Variants in KRT7 observed in about 807,000 individuals in gnomAD.
The protein encoded by KRT7 is keratin 7, also known as keratin, type II cytoskeletal 7.
In KRT7, 50 loss-of-function variants were observed where a neutral mutation model predicts 42.8. That is an observed-to-expected ratio of 1.17 (90% confidence interval 0.93 to 1.48). The LOEUF is 1.48. Ranked by LOEUF, KRT7 falls within the 40% of genes most tolerant of loss-of-function variation. KRT7 has a pLI of 0.00. For missense variants in KRT7, 588 were observed against 637.6 expected, an observed-to-expected ratio of 0.92 and a Z score of 0.84; for synonymous variants, 268 against 266.3, an observed-to-expected ratio of 1.01 and a Z score of -0.06.
chr12:52,241,376 TTC>T (rs1480828391), intron 4 of KRT7, 94 bp from the exon 5 acceptor site: 15 of 1,129,472 alleles, frequency 1.3e-5, no homozygotes, highest in Admixed American at 9.4e-5. Context: ...CTCCCAGCTG[TTC>T]TCTCTTTTCT....
chr12:52,254,274 CAT>C, downstream of KRT7: 1 of 954,192 alleles, frequency 1.0e-6, no homozygotes, highest in South Asian at 1.3e-5. Context: ...CGCACCTCCT[CAT>C]ATAGCCGCCT....
Position 52,248,187 on chromosome 12 carries a change from G to A in KRT7, c.1216G>A (p.Asp406Asn). The A allele has an allele frequency of 6.2e-7, 1 of 1,614,124 alleles. No individual in the cohort carries two copies. Among genetic ancestry groups the A allele is most frequent in the Non-Finnish European group, 8.5e-7 (1 of 1,180,016 alleles). Residue 406 changes from aspartate to asparagine, a missense_variant, in exon 8 of 9, where the codon GAT (aspartate) becomes AAT (asparagine). By Grantham distance (23) the Asp-to-Asn change is conservative. Transcript: ENST00000331817. ...LEGEESRLAG[D>N]GVGAVNISVM... ...GTCCTCTGCCCCCAGGTTGGCTGGAGATGGAGTGGGAGCCGTGAATATCTG... is the reference window on the plus strand; with the variant it reads ...GTCCTCTGCCCCCAGGTTGGCTGGAAATGGAGTGGGAGCCGTGAATATCTG...
downstream of KRT7, chr12:52,254,403 A>G: frequency 1.6e-6 from 1 of 644,668 alleles, no homozygotes; most frequent in Non-Finnish European, 2.9e-6. Context: ...GCACTGGGAG[A>G]CAATTCAGAA....
Position 52,238,675 on chromosome 12 carries a change from C to T in KRT7, c.598-5C>T. The T allele has an allele frequency of 6.2e-7, 1 of 1,607,554 alleles. No individual in the cohort carries two copies. The highest frequency in any genetic ancestry group is 8.5e-7 in the Non-Finnish European group (1 of 1,174,014). ...CCCTCTGCCCCATCTTGCCCCAACCCCCAGGATGTGGATGCTGCCTACATG... is the reference window on the plus strand; with the variant it reads ...CCCTCTGCCCCATCTTGCCCCAACCTCCAGGATGTGGATGCTGCCTACATG... On this transcript the variant is annotated splice_region_variant and splice_polypyrimidine_tract_variant and intron_variant, in intron 3 of 8. Coordinates refer to ENST00000331817, the MANE Select transcript of KRT7 (RefSeq NM_005556.4).
chr12:52,245,655 G>A (rs780675814), intron 7 of KRT7, 23 bp downstream of exon 7: 17 of 1,612,642 alleles, frequency 1.1e-5, no homozygotes, highest in Middle Eastern at 2.0e-4. Flanking sequence ...AACCTGGAAA[G>A]GGGATGCTTC....
rs143872458 is a variant in KRT7 at position 52,242,263 on chromosome 12, G to A, written c.858+627G>A. Among the ~76,000 whole-genome samples the A allele has an allele frequency of 4.9e-3, 742 of 152,218 alleles. 6 individuals are homozygous for A. Among genetic ancestry groups the A allele is most frequent in the African/African-American group, 0.016 (678 of 41,542 alleles). On this transcript the variant is annotated intron_variant, in intron 5 of 8. Transcript: ENST00000331817. ...GCTGGGATTATAGGCGTGAGACACC[G>A]CACCCAGCCTATTACCCCCATTTAA...
downstream of KRT7, chr12:52,254,241 G>A: frequency 1.3e-6 from 1 of 749,464 alleles, no homozygotes; most frequent in Non-Finnish European, 2.4e-6. Flanking sequence ...TATCCTCCTT[G>A]CTGCCCCGCT....
intron 3 of KRT7, 151 bp downstream of exon 3, chr12:52,237,720 GCGTGTA>G: frequency 3.7e-6 from 2 of 547,146 alleles, no homozygotes; most frequent in East Asian, 3.1e-5. Context: ...TCCTGTGGGT[GCGTGTA>G]TGTGTGTGTG....
At chr12:52,255,576 C>T (rs1942323784), downstream of KRT7, among the ~76,000 whole-genome samples, 1 of 152,196 alleles carries the variant, frequency 6.6e-6, no homozygotes, top group South Asian at 2.1e-4. Context: ...GGCATTCAAA[C>T]CAACCCATGT....
At chr12:52,245,353 T>G in intron 6 of KRT7, 59 bp from the exon 7 acceptor site, 1 of 1,573,086 alleles carries the variant, frequency 6.4e-7, no homozygotes, top group Non-Finnish European at 8.7e-7. Flanking sequence ...CACTGCAGGA[T>G]GGGCAGGCAG....
chr12:52,250,855 C>T (rs1206385937), downstream of KRT7, among the ~76,000 whole-genome samples: 1 of 152,220 alleles, frequency 6.6e-6, no homozygotes, highest in Non-Finnish European at 1.5e-5. Context: ...GAGACATGTT[C>T]TGAGAAATAC....
chr12:52,252,851 A>G (rs999813840), downstream of KRT7, among the ~76,000 whole-genome samples: 2 of 152,120 alleles, frequency 1.3e-5, no homozygotes, highest in Non-Finnish European at 2.9e-5. Context: ...TACTAACCCC[A>G]TTGATGTCTG....
downstream of KRT7, among the ~76,000 whole-genome samples, chr12:52,249,935 G>T (rs1192810590): frequency 6.6e-6 from 1 of 152,128 alleles, no homozygotes; most frequent in Admixed American, 6.5e-5. Context: ...GGTGTCAGGA[G>T]ATCCAGGCCC....
intron 3 of KRT7, 35 bp from the exon 4 acceptor site, chr12:52,238,645 G>T (rs370445748): frequency 7.8e-7 from 1 of 1,278,362 alleles, no homozygotes; most frequent in Non-Finnish European, 1.1e-6. Context: ...CTGAGGACAT[G>T]GTCTCCCTCT....
chr12:52,245,756 G>A lies in KRT7; in HGVS notation c.1205+124G>A, dbSNP rs138284704. Reference sequence around the variant, plus strand: ...TCTGCAGGGCACTGGGTGTGGGGATGCAGGGAACACAGAGCTGATGCTTGC... The same window carrying A: ...TCTGCAGGGCACTGGGTGTGGGGATACAGGGAACACAGAGCTGATGCTTGC... On this transcript the variant is annotated intron_variant, in intron 7 of 8. Transcript: ENST00000331817. The A allele has an allele frequency of 2.2e-4, 279 of 1,249,888 alleles. No homozygotes were observed. In the African/African-American group the frequency reaches 3.3e-3, roughly 15 times the overall value. 77.4% of individuals were successfully genotyped at this position (1,249,888 alleles called of 1,614,324 possible). A position where few individuals can be genotyped will look rare whatever the true frequency, so the allele number is the denominator to read the frequency against.
downstream of KRT7, among the ~76,000 whole-genome samples, chr12:52,252,886 AACAG>A (rs1942287905): frequency 6.6e-6 from 1 of 152,190 alleles, no homozygotes; most frequent in Non-Finnish European, 1.5e-5. Context: ...GATCTAGAAC[AACAG>A]GCCAGAGAGG....
At chr12:52,248,112 G>C in intron 7 of KRT7, 65 bp from the exon 8 acceptor site, 1 of 1,462,084 alleles carries the variant, frequency 6.8e-7, no homozygotes. Flanking sequence ...AAGGAGAGAG[G>C]GCTGAGAGCG....
intron 7 of KRT7, among the ~76,000 whole-genome samples, chr12:52,247,019 G>A (rs561191982): frequency 2.6e-5 from 4 of 152,210 alleles, no homozygotes; most frequent in South Asian, 2.1e-4. Flanking sequence ...GCTTAGATCC[G>A]GGTACTCTGA....
At chr12:52,235,106 G>T (rs1464463086) in intron 1 of KRT7, 49 bp from the exon 2 acceptor site, 2 of 1,562,994 alleles carry the variant, frequency 1.3e-6, no homozygotes, top group Non-Finnish European at 1.8e-6. Flanking sequence ...CCCGCTGTGG[G>T]TGGCACGCTC....
Sources: allele counts gnomAD v4.1 joint callset (sites outside exome capture counted in the v4.1 genomes callset), GRCh38; gene constraint gnomAD v4.1.1; transcripts MANE v1.5; gene names NCBI Gene and HGNC (gene_info 2026-07-23, HGNC 2026-07-21).